KDM5A: variants seen among roughly 807,000 people sequenced by gnomAD.
KDM5A encodes lysine-specific demethylase 5A.
In KDM5A, 42 loss-of-function variants were observed where a neutral mutation model predicts 193.5. That is an observed-to-expected ratio of 0.22 (90% CI 0.17 to 0.28). The LOEUF (loss-of-function observed/expected upper bound fraction) is 0.28. Among genes scored for constraint, KDM5A ranks in the 10% least tolerant of loss-of-function variants. The pLI is 1.00. For missense variants in KDM5A, 1,692 were observed against 2,055.1 expected (o/e 0.82, Z 3.42); for synonymous variants, 796 against 718.1 (o/e 1.11, Z -1.73).
intron 10 of KDM5A, among the ~76,000 whole-genome samples, chr12:348,589 CGATGAGTTCATGTCCTTTGCAGGGACATG>C (rs1259692470): frequency 6.6e-6 from 1 of 152,094 alleles, no homozygotes; most frequent in East Asian, 1.9e-4. Flanking sequence ...CCAGAAAAAA[CGATGAGTTCATGTCCTTTGCAGGGACATG>C]GATGAAGCTG....
intron 3 of KDM5A, among the ~76,000 whole-genome samples, chr12:368,973 A>G (rs954607107): frequency 1.3e-5 from 2 of 152,218 alleles, no homozygotes; most frequent in Non-Finnish European, 2.9e-5. Context: ...TACTAAAAAT[A>G]AGTGAAGGAA....
At chr12:378,209 A>G (rs574587030) in intron 3 of KDM5A, among the ~76,000 whole-genome samples, 13 of 152,300 alleles carry the variant, frequency 8.5e-5, no homozygotes, top group African/African-American at 2.9e-4. Flanking sequence ...ACTGAAAGTG[A>G]TTAGTTCTGA....
chr12:373,113 A>C (rs1182729293), intron 3 of KDM5A, among the ~76,000 whole-genome samples: 1 of 152,186 alleles, frequency 6.6e-6, no homozygotes. Flanking sequence ...TCATAAAATG[A>C]GTTAGGGAGA....
chr12:284,631 TTCTTC>T lies in KDM5A; in HGVS notation c.*820_*824del. The T allele has an allele frequency of 4.3e-6, 1 of 232,982 alleles. No homozygotes were observed. Among genetic ancestry groups the T allele is most frequent in the Non-Finnish European group, 8.5e-6 (1 of 117,832 alleles). 14.4% of individuals were successfully genotyped at this position (232,982 alleles called of 1,614,324 possible). On this transcript the variant is annotated 3_prime_UTR_variant, in exon 28 of 28. Coordinates refer to ENST00000399788, the MANE Select transcript of KDM5A (RefSeq NM_001042603.3). ...AGTACGACTGGTCATCATCGTCATC[TTCTTC>T]TCTTTTTTTTTTTGGCAGAAGCCTG...
chr12:359,007 A>G (rs1169257037), intron 5 of KDM5A, among the ~76,000 whole-genome samples: 1 of 148,278 alleles, frequency 6.7e-6, no homozygotes, highest in Non-Finnish European at 1.5e-5. Context: ...AAAAAAAAAC[A>G]ATAAAAAGAC....
At chr12:324,834 C>G (rs1338058398) in intron 14 of KDM5A, among the ~76,000 whole-genome samples, 4 of 151,636 alleles carry the variant, frequency 2.6e-5, no homozygotes, top group African/African-American at 7.3e-5. Context: ...GATCACGCCA[C>G]TGCACTCCAG....
intron 3 of KDM5A, among the ~76,000 whole-genome samples, chr12:374,115 A>G (rs1400631349): frequency 2.6e-5 from 4 of 152,138 alleles, no homozygotes; most frequent in Admixed American, 2.6e-4. Flanking sequence ...TGCAGAGCTG[A>G]TTTCAATTCC....
intron 22 of KDM5A, among the ~76,000 whole-genome samples, chr12:308,518 C>T (rs1943542548): frequency 6.6e-6 from 1 of 152,182 alleles, no homozygotes. Context: ...ATTTACTTCT[C>T]TCTGGAAAGC....
Position 387,537 on chromosome 12 carries a change from A to G in KDM5A, c.165+1390T>C, listed in dbSNP as rs150059241. 1.6e-3 allele frequency among the ~76,000 whole-genome samples: 240 copies of G among 152,336 alleles called. 1 individual carries two copies. The highest frequency in any genetic ancestry group is 5.4e-3 in the African/African-American group (226 of 41,576). The stretch of plus-strand genomic sequence containing the variant: ...TTGGAGGATGGCAATGCGTATCATC[A>G]TAGCAATTATTTGTTAATCCTCTGC... On this transcript the variant is annotated intron_variant, in intron 1 of 27. Coordinates refer to ENST00000399788, the MANE Select transcript of KDM5A (RefSeq NM_001042603.3).
intron 27 of KDM5A, among the ~76,000 whole-genome samples, chr12:291,096 C>T: frequency 6.6e-6 from 1 of 152,010 alleles, no homozygotes; most frequent in Admixed American, 6.5e-5. Flanking sequence ...AAATAATATG[C>T]ACATATATAT....
intron 3 of KDM5A, among the ~76,000 whole-genome samples, chr12:382,156 G>A (rs956089608): frequency 6.6e-6 from 1 of 152,096 alleles, no homozygotes; most frequent in Non-Finnish European, 1.5e-5. Flanking sequence ...TCCTGGCCAC[G>A]CATGGTGGCT....
Position 352,322 on chromosome 12 carries a change from T to C in KDM5A, c.1032A>G (p.Glu344=). 4 of 1,613,402 alleles carry C rather than the reference T, an allele frequency of 2.5e-6. No homozygotes were observed. The highest frequency in any genetic ancestry group is 1.7e-4 in the Middle Eastern group (1 of 6,056). The part of the protein sequence containing the change: ...DWRCPKCVAE[E]CSKPREAFGF... ...CAAAGGCTTCTCGAGGTTTGCTACATTCCTGGAAAGAAAAAATATGTAAGA... is the reference window on the plus strand; with the variant it reads ...CAAAGGCTTCTCGAGGTTTGCTACACTCCTGGAAAGAAAAAATATGTAAGA... Residue 344 remains glutamate (E), a splice_region_variant and synonymous_variant, in exon 9 of 28, where the codon GAA becomes GAG. Coordinates refer to ENST00000399788, the MANE Select transcript of KDM5A (RefSeq NM_001042603.3).
At position 378,914 on chromosome 12, in the gene KDM5A, G is replaced by A. The variant is rs1164636526; in HGVS notation, c.366+5117C>T. ...GCGGAGCTTAGAGTGAGCCAAAATC[G>A]TGCTGCTGCACTCCAGCCTGGGTGA... On this transcript the variant is annotated intron_variant, in intron 3 of 27. Coordinates refer to ENST00000399788, the MANE Select transcript of KDM5A (RefSeq NM_001042603.3). Among the ~76,000 whole-genome samples the A allele has an allele frequency of 2.7e-5, 4 of 149,002 alleles. No homozygotes were observed. The South Asian group carries it at 8.4e-4, about 31-fold the overall frequency.
At chr12:361,777 G>C (rs1164445980) in intron 5 of KDM5A, among the ~76,000 whole-genome samples, 3 of 152,090 alleles carry the variant, frequency 2.0e-5, no homozygotes, top group African/African-American at 4.8e-5. Flanking sequence ...TTCATAATGA[G>C]GTTATCACTT....
intron 18 of KDM5A, among the ~76,000 whole-genome samples, chr12:320,085 A>G (rs1038631059): frequency 1.8e-4 from 27 of 152,256 alleles, no homozygotes; most frequent in African/African-American, 5.8e-4. Context: ...GTGTGGTGTC[A>G]CAGGGGCTTA....
intron 24 of KDM5A, among the ~76,000 whole-genome samples, chr12:298,639 TCTC>T (rs1358732781): frequency 6.6e-6 from 1 of 152,040 alleles, no homozygotes; most frequent in East Asian, 1.9e-4. Context: ...GAATGCCTCT[TCTC>T]CTCCAGAGGA....
rs1356003305 is a variant in KDM5A at position 320,847 on chromosome 12, C to G, written c.2541+148G>C. On this transcript the variant is annotated intron_variant, in intron 18 of 27. Coordinates refer to ENST00000399788, the MANE Select transcript of KDM5A (RefSeq NM_001042603.3). ...GCTAAGAACAAAACCAAAAAACTGCCTACTAAAGAACCTCAAATAGCAGCA... is the reference window on the plus strand; with the variant it reads ...GCTAAGAACAAAACCAAAAAACTGCGTACTAAAGAACCTCAAATAGCAGCA... The G allele has an allele frequency of 5.9e-5, 38 of 647,648 alleles. No homozygotes were observed. In the East Asian group the frequency reaches 8.9e-4, roughly 15 times the overall value. The allele number at this position is 647,648 out of a possible 1,614,324, so 40.1% of individuals were successfully genotyped here.
intron 5 of KDM5A, among the ~76,000 whole-genome samples, chr12:357,725 G>A (rs1318510096): frequency 1.4e-5 from 2 of 147,496 alleles, no homozygotes; most frequent in African/African-American, 2.5e-5. Context: ...CTACTTGGGA[G>A]GCTGAAGCAG....
rs1191115518 is a variant in KDM5A, at chr12:297,220, A to T, written c.4075-20T>A. On this transcript the variant is annotated intron_variant, in intron 24 of 27. Coordinates refer to ENST00000399788, the MANE Select transcript of KDM5A (RefSeq NM_001042603.3). The stretch of plus-strand genomic sequence containing the variant: ...TGTGTCCTGAAGAAGAAACAAAGAG[A>T]AGTATTCAGAATTAGAGTCATTTAA... The T allele has an allele frequency of 6.2e-7, 1 of 1,612,694 alleles. No homozygotes were observed. Among genetic ancestry groups the T allele is most frequent in the Non-Finnish European group, 8.5e-7 (1 of 1,179,018 alleles).
Sources: gnomAD v4.1 joint callset for allele counts (sites outside exome capture counted in the v4.1 genomes callset) on GRCh38, gnomAD v4.1.1 for gene constraint, MANE v1.5 for transcripts, NCBI Gene and HGNC (gene_info 2026-07-23, HGNC 2026-07-21) for gene names.